ARID1B: variants seen among roughly 807,000 people sequenced by gnomAD.
The protein encoded by ARID1B is AT-rich interactive domain-containing protein 1B.
Under a neutral mutation model 212.3 loss-of-function variants are expected in ARID1B, and 30 were observed. The observed-to-expected ratio is 0.14, with a 90% confidence interval of 0.11 to 0.19. The LOEUF is 0.19. ARID1B is among the 10% of genes least tolerant of loss of function. The pLI is 1.00. For synonymous variants in ARID1B, 1,402 were observed against 1,301.7 expected, an observed-to-expected ratio of 1.08 and a Z score of -1.66; for missense variants, 2,891 against 3,204.0, an observed-to-expected ratio of 0.90 and a Z score of 2.36.
At chr6:156,798,862 C>G (rs779392140) in intron 1 of ARID1B, among the ~76,000 whole-genome samples, 12 of 152,326 alleles carry the variant, frequency 7.9e-5, no homozygotes, top group Middle Eastern at 3.4e-3. Flanking sequence ...TGTACATTTT[C>G]TCTTTACCCC....
intron 1 of ARID1B, among the ~76,000 whole-genome samples, chr6:156,785,311 T>A (rs868613182): frequency 7.9e-5 from 12 of 152,178 alleles, no homozygotes; most frequent in African/African-American, 1.9e-4. Context: ...CTGGAGGAGA[T>A]TCACCCTCTG....
At chr6:157,197,166 G>A (rs764810818) in intron 16 of ARID1B, among the ~76,000 whole-genome samples, 1 of 152,208 alleles carries the variant, frequency 6.6e-6, no homozygotes, top group Admixed American at 6.5e-5. Context: ...CTCCTAGTAA[G>A]AGACATGATG....
intron 2 of ARID1B, among the ~76,000 whole-genome samples, chr6:156,871,352 C>T (rs987127764): frequency 6.6e-6 from 1 of 152,182 alleles, no homozygotes; most frequent in African/African-American, 2.4e-5. Context: ...AAGTGCACCC[C>T]ATGGAATGTT....
At chr6:157,154,807 T>A (rs991917660) in intron 8 of ARID1B, among the ~76,000 whole-genome samples, 2 of 152,092 alleles carry the variant, frequency 1.3e-5, no homozygotes, top group African/African-American at 4.8e-5. Context: ...GGCCTTGATC[T>A]CTTAACGTCG....
chr6:156,945,172 T>C (rs1793002670), intron 4 of ARID1B, among the ~76,000 whole-genome samples: 1 of 145,334 alleles, frequency 6.9e-6, no homozygotes, highest in Non-Finnish European at 1.5e-5. Context: ...CCTGACCTTG[T>C]GATCCGCCCG....
intron 16 of ARID1B, among the ~76,000 whole-genome samples, chr6:157,197,116 G>A (rs1282432221): frequency 6.6e-6 from 1 of 152,208 alleles, no homozygotes; most frequent in Non-Finnish European, 1.5e-5. Flanking sequence ...AATACTCATT[G>A]TCACAAAAAC....
At chr6:157,147,850 C>T in intron 7 of ARID1B, among the ~76,000 whole-genome samples, 1 of 76,260 alleles carries the variant, frequency 1.3e-5, no homozygotes, top group Non-Finnish European at 2.6e-5. Flanking sequence ...CGGCCCTGCC[C>T]GCCAGCCCTC....
At chr6:156,905,250 GCACACA>G (rs138326649) in intron 3 of ARID1B, among the ~76,000 whole-genome samples, 15 of 143,728 alleles carry the variant, frequency 1.0e-4, no homozygotes, top group East Asian at 4.1e-4. Context: ...ACATATGCAC[GCACACA>G]CACACACACA....
intron 3 of ARID1B, among the ~76,000 whole-genome samples, chr6:156,929,737 C>T (rs1366122121): frequency 6.6e-6 from 1 of 152,166 alleles, no homozygotes; most frequent in Non-Finnish European, 1.5e-5. Flanking sequence ...CATGGAGGCT[C>T]TGTTGCATTT....
At chr6:156,878,465 T>C (rs1786762295) in intron 2 of ARID1B, among the ~76,000 whole-genome samples, 1 of 152,186 alleles carries the variant, frequency 6.6e-6, no homozygotes, top group Non-Finnish European at 1.5e-5. Flanking sequence ...GGCAGACACA[T>C]GTGCACACAC....
Position 157,207,173 on chromosome 6 carries a change from A to G in ARID1B, c.6401A>G (p.Glu2134Gly). 1 of 1,614,092 alleles carries G rather than the reference A, an allele frequency of 6.2e-7. No individual in the cohort carries two copies. Among genetic ancestry groups the G allele is most frequent in the Non-Finnish European group, 8.5e-7 (1 of 1,179,998 alleles). The change falls in exon 20 of 20, where the codon GAG becomes GGG. Residue 2134 changes from glutamate (E) to glycine (G), a missense_variant. Glu to Gly is a moderately conservative substitution (Grantham distance 98, BLOSUM62 -2). This residue lies in a region of ARID1B where 41 missense variants were observed against 40.4 expected (regional missense o/e 1.01). Coordinates refer to ENST00000636930, the MANE Select transcript of ARID1B (RefSeq NM_001374828.1). This position sits in a 1 kb window ranked among gnomAD's most constrained non-coding sequence, Gnocchi z 8.5. ...AAGGGGGTGGCCTGCAGCAAAGATG[A>G]GTGGTGGTGGGACTGCCTCGAGGTC... ...EDKGVACSKDEWWWDCLEVLR... is the reference protein window; with the variant it reads ...EDKGVACSKDGWWWDCLEVLR...
At chr6:156,964,388 A>G (rs764413714) in intron 4 of ARID1B, among the ~76,000 whole-genome samples, 15 of 152,248 alleles carry the variant, frequency 9.9e-5, no homozygotes, top group Non-Finnish European at 2.2e-4. Context: ...GGAAGCTAAT[A>G]GAGTGTTTTG....
intron 6 of ARID1B, chr6:157,119,451 C>G (rs78203558): frequency 0.1 from 15,889 of 153,202 alleles, 855 homozygotes; most frequent in Non-Finnish European, 0.11. Flanking sequence ...ACTGCTTTCT[C>G]TCTCAAACAC....
intron 4 of ARID1B, among the ~76,000 whole-genome samples, chr6:156,945,509 T>C (rs945080151): frequency 6.6e-6 from 1 of 151,816 alleles, no homozygotes; most frequent in African/African-American, 2.4e-5. Flanking sequence ...CTTTCCTGTT[T>C]TTAGAATTTC....
At chr6:157,114,978 G>A (rs1026219300) in intron 6 of ARID1B, among the ~76,000 whole-genome samples, 40 of 152,178 alleles carry the variant, frequency 2.6e-4, no homozygotes, top group African/African-American at 9.7e-4. Context: ...TCCCGTTCAG[G>A]AAGAGCATAT....
intron 2 of ARID1B, among the ~76,000 whole-genome samples, chr6:156,830,045 T>C (rs1026884250): frequency 6.6e-6 from 1 of 152,206 alleles, no homozygotes; most frequent in African/African-American, 2.4e-5. Context: ...TTTTCCTTTT[T>C]TTTCTCTGGA....
intron 2 of ARID1B, among the ~76,000 whole-genome samples, chr6:156,857,634 A>C (rs182232011): frequency 6.6e-6 from 1 of 152,250 alleles, no homozygotes; most frequent in Non-Finnish European, 1.5e-5. Flanking sequence ...AGTTTGGCTT[A>C]AGGAAACAAA....
At chr6:156,983,988 C>A (rs1403669359) in intron 4 of ARID1B, among the ~76,000 whole-genome samples, 1 of 152,014 alleles carries the variant, frequency 6.6e-6, no homozygotes, top group Non-Finnish European at 1.5e-5. Context: ...CTATTGTTTC[C>A]GTTTACAAAT....
chr6:156,793,734 C>G (rs1228508578), intron 1 of ARID1B, among the ~76,000 whole-genome samples: 1 of 152,174 alleles, frequency 6.6e-6, no homozygotes, highest in Non-Finnish European at 1.5e-5. Flanking sequence ...TGGCAAAACT[C>G]TTATGGATAT....
Sources: allele counts gnomAD v4.1 joint callset (sites outside exome capture counted in the v4.1 genomes callset), GRCh38; gene constraint gnomAD v4.1.1; regional missense constraint gnomAD v4.1.1; non-coding constraint Gnocchi (gnomAD v3.1); transcripts MANE v1.5; gene names NCBI Gene and HGNC (gene_info 2026-07-23, HGNC 2026-07-21).